LAMA2: variants seen among roughly 807,000 people sequenced by gnomAD.
The protein encoded by LAMA2 is laminin subunit alpha-2.
A neutral mutation model predicts 364.8 loss-of-function variants in LAMA2; 269 were observed. The ratio of observed to expected loss-of-function variants is 0.74; its 90% CI spans 0.67 to 0.82. The LOEUF is 0.82. Among genes scored for constraint, LAMA2 ranks in the 40% least tolerant of loss-of-function variants. LAMA2 has a pLI of 0.00. For synonymous variants in LAMA2, 1,379 were observed against 1,370.6 expected (o/e 1.01, Z -0.14); for missense variants, 3,807 against 3,873.2 (o/e 0.98, Z 0.45).
chr6:129,222,665 C>T (rs775185086), intron 12 of LAMA2, among the ~76,000 whole-genome samples: 5 of 152,000 alleles, frequency 3.3e-5, no homozygotes, highest in African/African-American at 9.7e-5. Flanking sequence ...CTACAAAGGA[C>T]GTGAACTCAT....
chr6:129,243,550 A>G (rs116561219), intron 12 of LAMA2, among the ~76,000 whole-genome samples: 219 of 152,220 alleles, frequency 1.4e-3, no homozygotes, highest in African/African-American at 5.1e-3. Context: ...TAGGACACTG[A>G]TAAGCAATCA....
chr6:129,389,946 C>T (rs370262586), intron 35 of LAMA2, among the ~76,000 whole-genome samples: 1 of 152,192 alleles, frequency 6.6e-6, no homozygotes, highest in Admixed American at 6.5e-5. Flanking sequence ...ATATCAGGCT[C>T]TGCCTCCAAA....
chr6:129,331,759 C>T lies in LAMA2; in HGVS notation c.4311+3347C>T, dbSNP rs533512865. Among the ~76,000 whole-genome samples the T allele has an allele frequency of 4.6e-5, 7 of 152,096 alleles. No individual in the cohort carries two copies. In the South Asian group the frequency reaches 1.2e-3, roughly 27 times the overall value. On this transcript the variant is annotated intron_variant, in intron 29 of 64. Transcript: ENST00000421865. ...CCATACAATGGAGAGCTGTCTATCC[C>T]GTCTATAATTTCTCTTCATCCATTC... is the stretch of plus-strand genomic sequence containing the variant.
intron 1 of LAMA2, among the ~76,000 whole-genome samples, chr6:128,888,278 G>A (rs1272960101): frequency 2.0e-5 from 3 of 152,138 alleles, no homozygotes; most frequent in Non-Finnish European, 4.4e-5. Context: ...GAAATTGGTG[G>A]GGTTGGGCCT....
intron 12 of LAMA2, among the ~76,000 whole-genome samples, chr6:129,199,430 C>T (rs1363287852): frequency 6.6e-6 from 1 of 152,104 alleles, no homozygotes; most frequent in East Asian, 1.9e-4. Flanking sequence ...TTTAAGATCA[C>T]AAACATGAAA....
chr6:129,229,318 T>G (rs1784524113), intron 12 of LAMA2, among the ~76,000 whole-genome samples: 1 of 152,064 alleles, frequency 6.6e-6, no homozygotes, highest in South Asian at 2.1e-4. Context: ...AAAAGTTATG[T>G]GGGTATCTGG....
intron 12 of LAMA2, among the ~76,000 whole-genome samples, chr6:129,229,849 T>C (rs1784566494): frequency 6.6e-6 from 1 of 152,182 alleles, no homozygotes; most frequent in Non-Finnish European, 1.5e-5. Flanking sequence ...GGGAAGACTG[T>C]GGTAAAAACA....
chr6:128,907,930 A>G (rs1049217042), intron 1 of LAMA2, among the ~76,000 whole-genome samples: 1 of 152,118 alleles, frequency 6.6e-6, no homozygotes, highest in African/African-American at 2.4e-5. Flanking sequence ...TATATGCTGG[A>G]TTACATTTAC....
At chr6:129,070,795 G>A (rs78640489) in intron 3 of LAMA2, among the ~76,000 whole-genome samples, 2 of 151,960 alleles carry the variant, frequency 1.3e-5, no homozygotes, top group South Asian at 4.1e-4. Context: ...GTCTAGTTTG[G>A]CAGTGTTGGT....
intron 62 of LAMA2, among the ~76,000 whole-genome samples, chr6:129,510,684 A>G (rs1362376074): frequency 1.3e-5 from 2 of 152,108 alleles, no homozygotes; most frequent in East Asian, 3.8e-4. Context: ...ACTTAGAAAA[A>G]AAGATTAATT....
chr6:129,101,044 A>T (rs1482112282), intron 4 of LAMA2, among the ~76,000 whole-genome samples: 1 of 152,230 alleles, frequency 6.6e-6, no homozygotes, highest in Non-Finnish European at 1.5e-5. Flanking sequence ...GTACTTTCAC[A>T]TAATCCCTGG....
intron 34 of LAMA2, among the ~76,000 whole-genome samples, chr6:129,373,273 C>T (rs950648519): frequency 1.3e-5 from 2 of 152,132 alleles, no homozygotes; most frequent in African/African-American, 4.8e-5. Context: ...TTGCATTTTA[C>T]ACTTAGGTCT....
intron 1 of LAMA2, among the ~76,000 whole-genome samples, chr6:129,009,856 G>A (rs1410556370): frequency 2.0e-5 from 3 of 152,040 alleles, no homozygotes; most frequent in Admixed American, 6.6e-5. Flanking sequence ...TTATCATGAC[G>A]GGAGTATGCT....
chr6:129,205,491 TATACACACACAC>T (rs964467254), intron 12 of LAMA2, among the ~76,000 whole-genome samples: 4 of 123,090 alleles, frequency 3.2e-5, no homozygotes, highest in African/African-American at 1.3e-4. Flanking sequence ...TATATATATA[TATACACACACAC>T]ACACACACAC....
intron 4 of LAMA2, among the ~76,000 whole-genome samples, chr6:129,105,014 C>T (rs1775737968): frequency 6.6e-6 from 1 of 152,104 alleles, no homozygotes; most frequent in African/African-American, 2.4e-5. Flanking sequence ...GTTATCCAGG[C>T]TGCAAATAGA....
At chr6:129,497,399 G>A (rs533438610) in intron 58 of LAMA2, among the ~76,000 whole-genome samples, 14 of 151,932 alleles carry the variant, frequency 9.2e-5, no homozygotes, top group South Asian at 2.1e-4. Flanking sequence ...CACCATGCCC[G>A]GCTAATTTTT....
intron 18 of LAMA2, among the ~76,000 whole-genome samples, chr6:129,282,069 A>G (rs1229537901): frequency 2.0e-5 from 3 of 152,184 alleles, no homozygotes; most frequent in African/African-American, 7.2e-5. Flanking sequence ...GATTTGTGTG[A>G]TCAGCTTATG....
Position 129,314,755 on chromosome 6 carries a change from C to T in LAMA2, c.3512C>T (p.Thr1171Ile). ...TGCAGCAGCTGCTATTGCTTCGGCACTACTACCCAGTGCTCTGAAGCAAAA... is the reference window on the plus strand; with the variant it reads ...TGCAGCAGCTGCTATTGCTTCGGCATTACTACCCAGTGCTCTGAAGCAAAA... ...LGCSSCYCFG[T>I]TTQCSEAKGL... is the part of the protein sequence containing the mutation. The change falls in exon 24 of 65, where the codon ACT becomes ATT. Residue 1171 changes from threonine (T) to isoleucine (I), a missense_variant. Physicochemically the swap from Thr to Ile is moderately conservative, Grantham distance 89 (BLOSUM62 -1). Transcript: ENST00000421865. The T allele has an allele frequency of 6.2e-7, 1 of 1,614,068 alleles. No individual in the cohort carries two copies. The highest frequency in any genetic ancestry group is 1.3e-5 in the African/African-American group (1 of 75,044).
intron 1 of LAMA2, among the ~76,000 whole-genome samples, chr6:128,966,994 C>T (rs2114608570): frequency 6.6e-6 from 1 of 152,282 alleles, no homozygotes; most frequent in East Asian, 1.9e-4. Context: ...ATTTCAGTGA[C>T]TCAAGTGTAG....
Sources: gnomAD v4.1 joint callset for allele counts (sites outside exome capture counted in the v4.1 genomes callset) on GRCh38, gnomAD v4.1.1 for gene constraint, MANE v1.5 for transcripts, NCBI Gene and HGNC (gene_info 2026-07-23, HGNC 2026-07-21) for gene names.